Variants in CRB1 observed in about 807,000 individuals in gnomAD.
CRB1 encodes the protein crumbs cell polarity complex component 1.
A neutral mutation model predicts 120.0 loss-of-function variants in CRB1; 83 were observed. That is an observed-to-expected ratio of 0.69 (90% CI 0.58 to 0.83). The LOEUF is 0.83. Ranked by LOEUF, CRB1 falls within the 40% of genes least tolerant of loss-of-function variation. The pLI is 0.00. For synonymous variants in CRB1, 625 were observed against 612.5 expected (o/e 1.02, Z -0.30); for missense variants, 1,699 against 1,687.6 (o/e 1.01, Z -0.12).
intron 11 of CRB1, among the ~76,000 whole-genome samples, chr1:197,476,064 C>A (rs1667183597): frequency 6.6e-6 from 1 of 152,056 alleles, no homozygotes; most frequent in Non-Finnish European, 1.5e-5. Flanking sequence ...CACCCACCAC[C>A]ATGCCCTGCT....
At chr1:197,288,427 C>A (rs1655963570) in intron 1 of CRB1, among the ~76,000 whole-genome samples, 1 of 151,774 alleles carries the variant, frequency 6.6e-6, no homozygotes, top group Non-Finnish European at 1.5e-5. Context: ...TTAAAAGAAC[C>A]AAACTGTTTC....
At chr1:197,310,945 A>T (rs1460878469) in intron 1 of CRB1, among the ~76,000 whole-genome samples, 1 of 152,202 alleles carries the variant, frequency 6.6e-6, no homozygotes, top group African/African-American at 2.4e-5. Flanking sequence ...ACACTAATGA[A>T]TATTTTGATG....
chr1:197,302,774 G>A (rs931622853), intron 1 of CRB1, among the ~76,000 whole-genome samples: 2 of 152,150 alleles, frequency 1.3e-5, no homozygotes, highest in South Asian at 2.1e-4. Flanking sequence ...AGGGACACAA[G>A]AGCCCCTTTA....
intron 11 of CRB1, among the ~76,000 whole-genome samples, chr1:197,448,553 C>A (rs892618215): frequency 6.6e-6 from 1 of 152,186 alleles, no homozygotes; most frequent in Non-Finnish European, 1.5e-5. Flanking sequence ...CCACATGAAA[C>A]TTTGCACCTC....
At chr1:197,364,420 T>C (rs772323254) in intron 5 of CRB1, among the ~76,000 whole-genome samples, 33 of 152,370 alleles carry the variant, frequency 2.2e-4, no homozygotes, top group Non-Finnish European at 3.8e-4. Flanking sequence ...AGTAGATTTA[T>C]GTCTTTTGGC....
chr1:197,212,602 G>A, the CRB1 span, among the ~76,000 whole-genome samples: 1 of 152,146 alleles, frequency 6.6e-6, no homozygotes, highest in Non-Finnish European at 1.5e-5. Flanking sequence ...GACAGCTGGG[G>A]AACAAGGGTA....
At position 197,413,781 on chromosome 1, in the gene CRB1, C is replaced by T. The variant is rs545903362; in HGVS notation, c.1172-7219C>T. ...AGTCTTACACTAAGCCACACTGATC[C>T]AGCTTGGAGGGAAATGAGTCAAAAC... On this transcript the variant is annotated intron_variant, in intron 5 of 11. Transcript: ENST00000367400. 2.7e-3 allele frequency: 978 copies of T among 360,602 alleles called. 15 individuals are homozygous for T. The highest frequency in any genetic ancestry group is 0.012 in the South Asian group (579 of 46,472). 22.3% of individuals were successfully genotyped at this position (360,602 alleles called of 1,614,324 possible).
chr1:197,329,152 A>G, intron 2 of CRB1, 149 bp downstream of exon 2: 1 of 751,352 alleles, frequency 1.3e-6, no homozygotes, highest in Non-Finnish European at 2.3e-6. Context: ...AACTCCCTAA[A>G]CTGCTGAAAA....
At chr1:197,234,064 C>T in the CRB1 span, among the ~76,000 whole-genome samples, 1 of 152,170 alleles carries the variant, frequency 6.6e-6, no homozygotes, top group African/African-American at 2.4e-5. Context: ...GAGTGACCAG[C>T]ACAAGGAGGT....
chr1:197,474,058 G>A (rs558149263), intron 11 of CRB1, among the ~76,000 whole-genome samples: 2 of 152,274 alleles, frequency 1.3e-5, no homozygotes, highest in African/African-American at 2.4e-5. Context: ...TGGTCATACT[G>A]CAACGTCCTG....
intron 2 of CRB1, among the ~76,000 whole-genome samples, chr1:197,334,524 T>C (rs1266295142): frequency 6.6e-6 from 1 of 152,168 alleles, no homozygotes; most frequent in African/African-American, 2.4e-5. Context: ...TCTTATGCCA[T>C]GTGAGGAACA....
At chr1:197,322,918 G>C (rs1240600876) in intron 1 of CRB1, among the ~76,000 whole-genome samples, 3 of 152,040 alleles carry the variant, frequency 2.0e-5, no homozygotes, top group African/African-American at 7.2e-5. Flanking sequence ...GCACATATTA[G>C]ATGCATAAAC....
At chr1:197,420,000 C>CAAAAAAAAAAAAAAAAA (rs200847709) in intron 5 of CRB1, among the ~76,000 whole-genome samples, 1 of 140,086 alleles carries the variant, frequency 7.1e-6, no homozygotes, top group Non-Finnish European at 1.5e-5. Flanking sequence ...AAAAAAAAAA[C>CAAAAAAAAAAAAAAAAA]AAACAAAAAA....
chr1:197,294,526 T>A (rs1656397387), intron 1 of CRB1, among the ~76,000 whole-genome samples: 1 of 152,236 alleles, frequency 6.6e-6, no homozygotes, highest in African/African-American at 2.4e-5. Context: ...GAACTAGAAA[T>A]ACCATTTGAC....
At chr1:197,445,733 C>T (rs1473873733) in intron 11 of CRB1, among the ~76,000 whole-genome samples, 1 of 152,168 alleles carries the variant, frequency 6.6e-6, no homozygotes, top group Non-Finnish European at 1.5e-5. Flanking sequence ...TCTCAACTGC[C>T]AGTATTATTA....
the CRB1 span, among the ~76,000 whole-genome samples, chr1:197,236,761 C>T: frequency 6.6e-6 from 1 of 152,098 alleles, no homozygotes; most frequent in Non-Finnish European, 1.5e-5. Context: ...GGTTTTTCTG[C>T]ATTTAACAAT....
intron 4 of CRB1, among the ~76,000 whole-genome samples, chr1:197,354,651 T>C (rs548129310): frequency 1.3e-5 from 2 of 152,156 alleles, no homozygotes; most frequent in South Asian, 4.2e-4. Flanking sequence ...CAGACCTTCA[T>C]GGTGAGTGCT....
chr1:197,434,634 C>T (rs910297301), intron 8 of CRB1, 72 bp from the exon 9 acceptor site: 39 of 1,268,590 alleles, frequency 3.1e-5, no homozygotes, highest in South Asian at 9.7e-5. Flanking sequence ...ATGATCATTA[C>T]TATTAATAAC....
the CRB1 span, among the ~76,000 whole-genome samples, chr1:197,221,869 A>T: frequency 2.9e-3 from 434 of 152,264 alleles, 1 homozygote; most frequent in Admixed American, 4.7e-3. Context: ...TCTTCCATTT[A>T]TGACAAGAAT....
Sources: allele counts gnomAD v4.1 joint callset (sites outside exome capture counted in the v4.1 genomes callset), GRCh38; gene constraint gnomAD v4.1.1; transcripts MANE v1.5; gene names NCBI Gene and HGNC (gene_info 2026-07-23, HGNC 2026-07-21).